Variants in TMEM120B observed in about 807,000 individuals in gnomAD.
TMEM120B encodes transmembrane protein 120B.
TMEM120B carries 31 observed loss-of-function variants against 55.5 expected under a neutral mutation model. The ratio of observed to expected loss-of-function variants is 0.56; its 90% CI spans 0.42 to 0.75. The LOEUF (loss-of-function observed/expected upper bound fraction) is 0.75. Ranked by LOEUF, TMEM120B falls within the 30% of genes least tolerant of loss-of-function variation. TMEM120B has a pLI of 0.00. For synonymous variants in TMEM120B, 203 were observed against 176.3 expected (o/e 1.15, Z -1.20); for missense variants, 399 against 425.5 (o/e 0.94, Z 0.55).
intron 8 of TMEM120B, among the ~76,000 whole-genome samples, chr12:121,772,156 T>G (rs1032237108): frequency 6.6e-6 from 1 of 151,332 alleles, no homozygotes; most frequent in Admixed American, 6.6e-5. Context: ...TCTGATGGAG[T>G]CTTGCTCTGT....
At position 121,781,325 on chromosome 12, in the gene TMEM120B, G is replaced by T; in HGVS notation, c.*5603G>T. Reference sequence around the variant, plus strand: ...TCCTCATCTATACAATGGGCAGCAAGCCAGGAGTGCTGGCACAGGCCTGTG... The same window carrying T: ...TCCTCATCTATACAATGGGCAGCAATCCAGGAGTGCTGGCACAGGCCTGTG... On this transcript the variant is annotated 3_prime_UTR_variant, in exon 12 of 12. Coordinates refer to ENST00000449592, the MANE Select transcript of TMEM120B (RefSeq NM_001080825.2). 1 of 733,912 alleles carries T rather than the reference G, an allele frequency of 1.4e-6. No individual in the cohort carries two copies. Among genetic ancestry groups the T allele is most frequent in the Non-Finnish European group, 2.2e-6 (1 of 447,202 alleles). The allele number at this position is 733,912 out of a possible 1,614,324, so 45.5% of individuals were successfully genotyped here.
intron 7 of TMEM120B, 90 bp from the exon 8 acceptor site, chr12:121,771,398 G>C: frequency 8.7e-7 from 1 of 1,151,194 alleles, no homozygotes; most frequent in Non-Finnish European, 1.3e-6. Flanking sequence ...ACACCTTTTC[G>C]CCTCTTCTGG....
At chr12:121,771,197 C>T (rs1389524091) in intron 7 of TMEM120B, among the ~76,000 whole-genome samples, 3 of 152,094 alleles carry the variant, frequency 2.0e-5, no homozygotes, top group Non-Finnish European at 2.9e-5. Flanking sequence ...GCAGAGGTAG[C>T]GGGGCTGCAA....
chr12:121,739,211 CTT>C (rs1032173545), intron 1 of TMEM120B, among the ~76,000 whole-genome samples: 3 of 151,890 alleles, frequency 2.0e-5, no homozygotes, highest in Non-Finnish European at 2.9e-5. Context: ...CAAAAACAAA[CTT>C]AAATTCACGA....
intron 1 of TMEM120B, among the ~76,000 whole-genome samples, chr12:121,739,773 G>A (rs1176913506): frequency 6.7e-6 from 1 of 150,122 alleles, no homozygotes; most frequent in Non-Finnish European, 1.5e-5. Context: ...AGCCTGGCCG[G>A]AAACTTTTGA....
Position 121,743,783 on chromosome 12 carries a change from C to T in TMEM120B, c.188+36C>T, listed in dbSNP as rs749014007. ...CTGTAGCCCGGGGGCTGCCCTGGTT[C>T]TGAGGGACAGAAGTCCAACTCAAAA... On this transcript the variant is annotated intron_variant, in intron 2 of 11. Transcript: ENST00000449592. 3.4e-6 allele frequency: 5 copies of T among 1,486,940 alleles called. No individual in the cohort carries two copies. In the African/African-American group the frequency reaches 6.9e-5, roughly 21 times the overall value. The allele number at this position is 1,486,940 out of a possible 1,614,324, so 92.1% of individuals were successfully genotyped here.
Position 121,771,059 on chromosome 12 carries a change from G to A in TMEM120B, c.617+87G>A, listed in dbSNP as rs558806929. On this transcript the variant is annotated intron_variant, in intron 7 of 11. Transcript: ENST00000449592. ...TGGGGAGGGGGCTGATCCAGACAGC[G>A]GTGGGGGGTGTGCTCCAGGGCCAAC... The A allele has an allele frequency of 6.3e-5, 90 of 1,432,612 alleles. No homozygotes were observed. The East Asian group carries it at 9.7e-4, about 15-fold the overall frequency. The allele number at this position is 1,432,612 out of a possible 1,614,324, so 88.7% of individuals were successfully genotyped here. A position where few individuals can be genotyped will look rare whatever the true frequency, so the allele number is the denominator to read the frequency against.
chr12:121,759,601 C>T (rs1306335374), intron 5 of TMEM120B, among the ~76,000 whole-genome samples: 1 of 151,868 alleles, frequency 6.6e-6, no homozygotes, highest in Non-Finnish European at 1.5e-5. Flanking sequence ...TCGCTTGAAC[C>T]CAGGAGGTGG....
intron 1 of TMEM120B, among the ~76,000 whole-genome samples, chr12:121,737,198 G>T (rs1872771592): frequency 6.6e-6 from 1 of 152,076 alleles, no homozygotes; most frequent in Non-Finnish European, 1.5e-5. Context: ...AAGAATAGGT[G>T]ACCCTGTTTT....
chr12:121,728,244 C>T (rs1894934418), intron 1 of TMEM120B, among the ~76,000 whole-genome samples: 1 of 151,702 alleles, frequency 6.6e-6, no homozygotes, highest in Non-Finnish European at 1.5e-5. Context: ...AATGCCAGCA[C>T]TTTGGGAGGC....
At chr12:121,767,447 A>G (rs12821215) in intron 6 of TMEM120B, among the ~76,000 whole-genome samples, 93,248 of 152,132 alleles carry the variant, frequency 0.61, 29,881 homozygotes, top group Middle Eastern at 0.73. Context: ...GGCGTGAGCC[A>G]CCGCGCCCAG....
At chr12:121,729,469 C>T (rs1304014936) in intron 1 of TMEM120B, among the ~76,000 whole-genome samples, 2 of 152,116 alleles carry the variant, frequency 1.3e-5, no homozygotes, top group Non-Finnish European at 2.9e-5. Flanking sequence ...CATCGAATTA[C>T]CATATGGTCC....
At chr12:121,737,478 G>A (rs956450816) in intron 1 of TMEM120B, among the ~76,000 whole-genome samples, 4 of 151,728 alleles carry the variant, frequency 2.6e-5, no homozygotes, top group South Asian at 2.1e-4. Flanking sequence ...GCACTCCAGC[G>A]TGGGTGACAG....
rs140292732 is a variant in TMEM120B, at chr12:121,778,040, A to T, written c.*2318A>T. ...GGGGCTGAGGCAGGAGATATGGGGA[A>T]GGCTAGGAGTTGCCTGAAGCCATTA... On this transcript the variant is annotated 3_prime_UTR_variant, in exon 12 of 12. Coordinates refer to ENST00000449592, the MANE Select transcript of TMEM120B (RefSeq NM_001080825.2). The T allele has an allele frequency of 6.6e-6, 1 of 152,252 alleles. No individual in the cohort carries two copies. The highest frequency in any genetic ancestry group is 1.5e-5 in the Non-Finnish European group (1 of 68,014). 9.4% of individuals were successfully genotyped at this position (152,252 alleles called of 1,614,324 possible).
intron 1 of TMEM120B, among the ~76,000 whole-genome samples, chr12:121,720,971 A>T (rs954852673): frequency 6.6e-6 from 1 of 152,158 alleles, no homozygotes; most frequent in African/African-American, 2.4e-5. Context: ...GATGTTTCAC[A>T]TCTGTACTGG....
At chr12:121,772,410 A>G (rs1016165194) in intron 8 of TMEM120B, among the ~76,000 whole-genome samples, 1 of 148,760 alleles carries the variant, frequency 6.7e-6, no homozygotes, top group African/African-American at 2.5e-5. Context: ...GATTACAGGC[A>G]TGAGCCACCA....
intron 1 of TMEM120B, among the ~76,000 whole-genome samples, chr12:121,742,105 C>T (rs1369902100): frequency 2.6e-5 from 4 of 151,782 alleles, no homozygotes; most frequent in African/African-American, 7.3e-5. Flanking sequence ...CAGATTCAAA[C>T]GATTCTCCTG....
chr12:121,714,733 T>C (rs1894665940), intron 1 of TMEM120B, among the ~76,000 whole-genome samples: 1 of 151,766 alleles, frequency 6.6e-6, no homozygotes, highest in Admixed American at 6.6e-5. Flanking sequence ...AGCTAATTTT[T>C]GTATTTTTAG....
intron 5 of TMEM120B, among the ~76,000 whole-genome samples, chr12:121,755,284 G>A (rs988096409): frequency 6.6e-6 from 1 of 152,148 alleles, no homozygotes; most frequent in South Asian, 2.1e-4. Flanking sequence ...TGCCACTCAC[G>A]GGCTTTGTGA....
Sources: gnomAD v4.1 joint callset for allele counts (sites outside exome capture counted in the v4.1 genomes callset) on GRCh38, gnomAD v4.1.1 for gene constraint, MANE v1.5 for transcripts, NCBI Gene and HGNC (gene_info 2026-07-23, HGNC 2026-07-21) for gene names.